The following GGA2 variants were observed in gnomAD, a reference collection of about 807,000 sequenced individuals.
GGA2 encodes the protein ADP-ribosylation factor-binding protein GGA2.
In GGA2, 48 loss-of-function variants were observed where a neutral mutation model predicts 79.5. The observed-to-expected ratio is 0.60, with a 90% CI of 0.48 to 0.77. GGA2 has a LOEUF of 0.77. Ranked by LOEUF, GGA2 falls within the 30% of genes least tolerant of loss-of-function variation. The pLI, the probability that GGA2 is intolerant of heterozygous loss-of-function variation, is 0.00. For missense variants in GGA2, 770 were observed against 774.0 expected, an observed-to-expected ratio of 0.99 and a Z score of 0.06; for synonymous variants, 317 against 302.0, an observed-to-expected ratio of 1.05 and a Z score of -0.51.
upstream of GGA2, among the ~76,000 whole-genome samples, chr16:23,511,455 G>A (rs62029457): frequency 4.0e-5 from 6 of 150,940 alleles, no homozygotes; most frequent in East Asian, 2.0e-4. Flanking sequence ...CACCACGCCC[G>A]GCCTATGTGC....
At chr16:23,491,528 C>T (rs1053158226) in intron 5 of GGA2, 149 bp downstream of exon 5, 5 of 426,266 alleles carry the variant, frequency 1.2e-5, no homozygotes, top group East Asian at 3.6e-5. Context: ...AGATTTATTG[C>T]GTAAAAAAAA....
chr16:23,486,055 C>T lies in GGA2; in HGVS notation c.758G>A (p.Arg253His), dbSNP rs761975985. The T allele has an allele frequency of 6.2e-6, 10 of 1,613,980 alleles. No homozygotes were observed. The highest frequency in any genetic ancestry group is 6.8e-6 in the Non-Finnish European group (8 of 1,179,966). ...GTCGGGCGGGGCCTGCCCTGGCCTG[C>T]GGTACATGCTCAGCATCTCCTGCAG... ...KVLQEMLSMY[R>H]RPGQAPPDQE... Residue 253 changes from arginine to histidine, a missense_variant, in exon 8 of 17, where the codon CGC (arginine) becomes CAC (histidine). By Grantham distance (29) the Arg-to-His change is conservative. Transcript: ENST00000309859.
In GGA2 at chr16:23,475,055, A is replaced by T; in HGVS notation, c.1299T>A (p.Tyr433Ter). Reference sequence around the variant, plus strand: ...CCTTGGGGACACTTTTCTGCGAAACATAATTCCTACAAAGAAATAAAAAAT... The same window carrying T: ...CCTTGGGGACACTTTTCTGCGAAACTTAATTCCTACAAAGAAATAAAAAAT... ...SAQPAPCPLNYVSQKSVPKEV... is the reference protein window; with the variant it reads ...SAQPAPCPLN Residue 433 changes from tyrosine to a stop codon, truncating the protein, a stop_gained, in exon 14 of 17, where the codon TAT (tyrosine) becomes TAA (stop). Transcript: ENST00000309859. LOFTEE classifies it high-confidence loss of function. The T allele has an allele frequency of 6.4e-7, 1 of 1,571,224 alleles. No individual in the cohort carries two copies. Among genetic ancestry groups the T allele is most frequent in the Non-Finnish European group, 8.6e-7 (1 of 1,161,206 alleles).
chr16:23,510,806 A>T (rs1965039951), upstream of GGA2, among the ~76,000 whole-genome samples: 1 of 152,190 alleles, frequency 6.6e-6, no homozygotes. Context: ...TCCTAGGCTC[A>T]AGCGATCCTC....
At chr16:23,523,424 A>AAACGG (rs1288310526), upstream of GGA2, 1 of 152,272 alleles carries the variant, frequency 6.6e-6, no homozygotes, top group Admixed American at 6.5e-5. Flanking sequence ...AAGACTGGAA[A>AAACGG]AACGGAACAG....
At chr16:23,481,007 A>ACTGTC (rs1170094901) in intron 9 of GGA2, among the ~76,000 whole-genome samples, 1 of 152,222 alleles carries the variant, frequency 6.6e-6, no homozygotes, top group Non-Finnish European at 1.5e-5. Flanking sequence ...CTACACCTGT[A>ACTGTC]CTGTCCAGAG....
chr16:23,507,579 G>A (rs1964987276), intron 1 of GGA2, among the ~76,000 whole-genome samples: 1 of 152,050 alleles, frequency 6.6e-6, no homozygotes, highest in African/African-American at 2.4e-5. Context: ...AGTGAGCTGA[G>A]ATCGTGCCAC....
intron 14 of GGA2, among the ~76,000 whole-genome samples, chr16:23,474,553 T>G (rs1964552853): frequency 6.6e-6 from 1 of 152,012 alleles, no homozygotes; most frequent in South Asian, 2.1e-4. Context: ...AGAGAGGGCT[T>G]CGTTATGTTG....
chr16:23,491,939 C>A (rs1567365851), intron 4 of GGA2, 139 bp from the exon 5 acceptor site: 1 of 566,242 alleles, frequency 1.8e-6, no homozygotes, highest in Non-Finnish European at 3.1e-6. Flanking sequence ...CTAGAGGCCA[C>A]ACCATCTGGC....
intron 1 of GGA2, 115 bp downstream of exon 1, chr16:23,510,206 C>G: frequency 1.8e-6 from 1 of 549,876 alleles, no homozygotes; most frequent in Non-Finnish European, 2.8e-6. Context: ...AGGCCCCCTA[C>G]CCGGCCGCCG....
At chr16:23,477,171 T>TG (rs1395576794) in intron 13 of GGA2, among the ~76,000 whole-genome samples, 1 of 152,188 alleles carries the variant, frequency 6.6e-6, no homozygotes, top group Non-Finnish European at 1.5e-5. Context: ...AGGCTGGTCT[T>TG]GAACTCCAGG....
intron 14 of GGA2, 142 bp downstream of exon 14, chr16:23,474,758 TCTTA>T: frequency 1.5e-6 from 1 of 659,348 alleles, no homozygotes; most frequent in Non-Finnish European, 2.7e-6. Flanking sequence ...GGCCACAACC[TCTTA>T]CTTTCTGCCC....
At chr16:23,495,423 G>GA in intron 2 of GGA2, 1 of 263,370 alleles carries the variant, frequency 3.8e-6, no homozygotes, top group Non-Finnish European at 7.2e-6. Context: ...ATGTTCTCAG[G>GA]ATTATAGGGG....
At chr16:23,519,726 G>T in intron 1 of GGA2, 1 of 271,184 alleles carries the variant, frequency 3.7e-6, no homozygotes, top group Non-Finnish European at 7.7e-6. Context: ...GGCTGCCTTT[G>T]GTCCCAACAG....
chr16:23,470,031 C>G lies in GGA2; in HGVS notation c.1585G>C (p.Val529Leu), dbSNP rs1327059522. 3 of 1,586,478 alleles carry G rather than the reference C, an allele frequency of 1.9e-6. No individual in the cohort carries two copies. Among genetic ancestry groups the G allele is most frequent in the South Asian group, 1.2e-5 (1 of 85,748 alleles). ...LTMMSTAPQP[V>L]WDIMFQVAVP... ...GCCACTTGAAACATGATATCCCAGA[C>G]AGGCTGGGGAGCCGTGCTCATCATG... The change falls in exon 15 of 17, where the codon GTC (valine) becomes CTC (leucine). Residue 529 changes from valine to leucine, a missense_variant. Val to Leu is a conservative substitution (Grantham distance 32, BLOSUM62 1). Transcript: ENST00000309859.
chr16:23,510,635 C>T, upstream of GGA2: 1 of 377,194 alleles, frequency 2.7e-6, no homozygotes, highest in South Asian at 1.4e-4. Context: ...GACCACTCAC[C>T]GTACGGTTGC....
At chr16:23,493,113 A>T (rs1167895442) in intron 4 of GGA2, among the ~76,000 whole-genome samples, 1 of 152,188 alleles carries the variant, frequency 6.6e-6, no homozygotes, top group Non-Finnish European at 1.5e-5. Flanking sequence ...GGAGTTCCTC[A>T]TCTCCTCTAG....
rs1263745161 is a variant in GGA2 at position 23,464,431 on chromosome 16, A to T, written c.*3159T>A. 1 of 152,140 alleles carries T rather than the reference A, an allele frequency of 6.6e-6. No homozygotes were observed. Among genetic ancestry groups the T allele is most frequent in the Non-Finnish European group, 1.5e-5 (1 of 68,038 alleles). The allele number at this position is 152,140 out of a possible 1,614,324, so 9.4% of individuals were successfully genotyped here. A position where few individuals can be genotyped will look rare whatever the true frequency, so the allele number is the denominator to read the frequency against. On this transcript the variant is annotated 3_prime_UTR_variant, in exon 17 of 17. Transcript: ENST00000309859. Reference sequence around the variant, plus strand: ...GCGTGCAACTTGAATTTGATCCCATAAAGTCAGGCATCAGGAAGCCATTCA... The same window carrying T: ...GCGTGCAACTTGAATTTGATCCCATTAAGTCAGGCATCAGGAAGCCATTCA...
chr16:23,481,376 G>GA (rs1467534785), intron 9 of GGA2, among the ~76,000 whole-genome samples: 1 of 151,968 alleles, frequency 6.6e-6, no homozygotes, highest in African/African-American at 2.4e-5. Context: ...TCCATCTCAA[G>GA]AAAAAAAGAA....
Sources: gnomAD v4.1 joint callset for allele counts (sites outside exome capture counted in the v4.1 genomes callset) on GRCh38, gnomAD v4.1.1 for gene constraint, MANE v1.5 for transcripts, NCBI Gene and HGNC (gene_info 2026-07-23, HGNC 2026-07-21) for gene names.